The following AMOTL1 variants were observed in gnomAD, a reference collection of about 807,000 sequenced individuals.
AMOTL1 encodes angiomotin like 1.
A neutral mutation model predicts 102.9 loss-of-function variants in AMOTL1; 45 were observed. The ratio of observed to expected loss-of-function variants is 0.44; its 90% confidence interval spans 0.34 to 0.56. AMOTL1 has a LOEUF of 0.56. Ranked by LOEUF, AMOTL1 falls within the 20% of genes least tolerant of loss-of-function variation. AMOTL1 has a pLI of 0.01. For missense variants in AMOTL1, 1,114 were observed against 1,225.6 expected, an observed-to-expected ratio of 0.91 and a Z score of 1.36; for synonymous variants, 481 against 484.7, an observed-to-expected ratio of 0.99 and a Z score of 0.10.
At chr11:94,723,949 A>T (rs1383858758) in intron 1 of AMOTL1, among the ~76,000 whole-genome samples, 1 of 152,144 alleles carries the variant, frequency 6.6e-6, no homozygotes, top group Non-Finnish European at 1.5e-5. Flanking sequence ...AACTCGTCAG[A>T]ACCAAACCCT....
At chr11:94,775,583 C>T (rs369598260) in intron 1 of AMOTL1, among the ~76,000 whole-genome samples, 1 of 152,122 alleles carries the variant, frequency 6.6e-6, no homozygotes, top group African/African-American at 2.4e-5. Context: ...CCACTAGTCA[C>T]TTGTGGCTAT....
chr11:94,864,895 C>T, intron 10 of AMOTL1, 35 bp downstream of exon 10: 1 of 1,600,966 alleles, frequency 6.2e-7, no homozygotes, highest in Non-Finnish European at 8.5e-7. Flanking sequence ...GTGGGGCCCG[C>T]TGCATTCACA....
intron 1 of AMOTL1, among the ~76,000 whole-genome samples, chr11:94,710,521 A>G (rs1565322130): frequency 6.6e-6 from 1 of 152,218 alleles, no homozygotes; most frequent in Non-Finnish European, 1.5e-5. Flanking sequence ...TGCTTAGCAC[A>G]GTGCCTAATA....
chr11:94,735,951 A>C (rs569670439), intron 2 of AMOTL1, among the ~76,000 whole-genome samples: 29 of 152,366 alleles, frequency 1.9e-4, no homozygotes, highest in African/African-American at 6.5e-4. Context: ...CAGCTCCCAA[A>C]AGCCCATCAA....
chr11:94,772,700 A>C (rs1294478834), intron 1 of AMOTL1, among the ~76,000 whole-genome samples: 2 of 152,198 alleles, frequency 1.3e-5, no homozygotes, highest in Non-Finnish European at 2.9e-5. Flanking sequence ...TGTGAACATA[A>C]GTTTTCATTT....
chr11:94,770,049 T>G lies in AMOTL1; in HGVS notation c.49+1489T>G, dbSNP rs117805773. The stretch of plus-strand genomic sequence containing the variant: ...AGCAAAAAGTCAAGGCTTGAAATAT[T>G]AAACAATCATGGCTCCCTGCTTCCA... On this transcript the variant is annotated intron_variant, in intron 1 of 12. Transcript: ENST00000433060. Among the ~76,000 whole-genome samples the G allele has an allele frequency of 7.8e-3, 1,183 of 152,268 alleles. 7 individuals are homozygous for G. Among genetic ancestry groups the G allele is most frequent in the Middle Eastern group, 0.017 (5 of 294 alleles).
intron 2 of AMOTL1, among the ~76,000 whole-genome samples, chr11:94,732,542 C>A (rs1950370693): frequency 6.6e-6 from 1 of 152,118 alleles, no homozygotes; most frequent in Non-Finnish European, 1.5e-5. Context: ...CACATGCAGT[C>A]CCTGACATAT....
chr11:94,871,652 C>A lies in AMOTL1; in HGVS notation c.*857C>A, dbSNP rs952944388. On this transcript the variant is annotated 3_prime_UTR_variant, in exon 13 of 13. Coordinates refer to ENST00000433060, the MANE Select transcript of AMOTL1 (RefSeq NM_130847.3). ...CCACGTGCCGACTTCCTGGCTGCTT[C>A]ACCTTTGCATAGCTGGGTTGCAGCT... 1.3e-5 allele frequency: 2 copies of A among 152,204 alleles called. No individual in the cohort carries two copies. Among genetic ancestry groups the A allele is most frequent in the African/African-American group, 4.8e-5 (2 of 41,452 alleles). 9.4% of individuals were successfully genotyped at this position (152,204 alleles called of 1,614,324 possible).
intron 3 of AMOTL1, among the ~76,000 whole-genome samples, chr11:94,747,288 C>T (rs911320654): frequency 6.6e-6 from 1 of 152,010 alleles, no homozygotes; most frequent in Non-Finnish European, 1.5e-5. Flanking sequence ...GTTGCTTGAC[C>T]CTCTGGCATG....
intron 3 of AMOTL1, among the ~76,000 whole-genome samples, chr11:94,811,176 G>C (rs1019283101): frequency 4.6e-5 from 7 of 152,062 alleles, no homozygotes; most frequent in Non-Finnish European, 8.8e-5. Context: ...CCCTTGTTAT[G>C]TAAATAAAGC....
chr11:94,823,618 T>G (rs1951909399), intron 4 of AMOTL1, among the ~76,000 whole-genome samples: 1 of 152,094 alleles, frequency 6.6e-6, no homozygotes, highest in Non-Finnish European at 1.5e-5. Flanking sequence ...AAGGCAGAGT[T>G]TGGTGCTGGG....
At chr11:94,789,522 G>A (rs963510824) in intron 1 of AMOTL1, among the ~76,000 whole-genome samples, 2 of 152,226 alleles carry the variant, frequency 1.3e-5, no homozygotes, top group Admixed American at 1.3e-4. Context: ...CTGCCTGTCA[G>A]TGCTGCCCTT....
intron 3 of AMOTL1, among the ~76,000 whole-genome samples, chr11:94,807,149 G>A (rs558423337): frequency 2.0e-5 from 3 of 151,938 alleles, no homozygotes; most frequent in South Asian, 2.1e-4. Flanking sequence ...CTCCCATTCC[G>A]CCCCCCAAAA....
intron 1 of AMOTL1, among the ~76,000 whole-genome samples, chr11:94,726,487 A>G (rs1950260863): frequency 6.6e-6 from 1 of 152,192 alleles, no homozygotes; most frequent in Non-Finnish European, 1.5e-5. Flanking sequence ...CAAAGCCAGA[A>G]TTACATCTGT....
At position 94,864,794 on chromosome 11, in the gene AMOTL1, C is replaced by T; in HGVS notation, c.2195C>T (p.Ala732Val). 1.9e-6 allele frequency: 3 copies of T among 1,613,780 alleles called. No homozygotes were observed. The highest frequency in any genetic ancestry group is 2.5e-6 in the Non-Finnish European group (3 of 1,179,754). Reference protein sequence around the residue: ...NGSYGESSLEAHIWQEEEEVV... With the variant: ...NGSYGESSLEVHIWQEEEEVV... Reference sequence around the variant, plus strand: ...AGCTACGGAGAGAGCTCGCTGGAGGCCCACATCTGGCAAGAGGAGGAGGAG... The same window carrying T: ...AGCTACGGAGAGAGCTCGCTGGAGGTCCACATCTGGCAAGAGGAGGAGGAG... The change falls in exon 10 of 13, where the codon GCC (alanine) becomes GTC (valine). Residue 732 changes from alanine (A) to valine (V), a missense_variant. By Grantham distance (64) the Ala-to-Val change is moderately conservative (BLOSUM62 0). Transcript: ENST00000433060.
rs189026622 is a variant in AMOTL1 at position 94,727,212 on chromosome 11, C to T, written c.-50-1709C>T. Among the ~76,000 whole-genome samples, 9 of 152,210 alleles carry T rather than the reference C, an allele frequency of 5.9e-5. No homozygotes were observed. In the East Asian group the frequency reaches 1.7e-3, roughly 29 times the overall value. On this transcript the variant is annotated intron_variant, in intron 1 of 4. Transcript: ENST00000299004. The stretch of plus-strand genomic sequence containing the variant: ...TCTACTTCACTTCCCAAAGATACTG[C>T]AAAGATTAATGAAGTGATTTTGAAT...
intron 9 of AMOTL1, among the ~76,000 whole-genome samples, chr11:94,860,087 G>A (rs1262471360): frequency 2.0e-5 from 3 of 152,196 alleles, no homozygotes; most frequent in Non-Finnish European, 2.9e-5. Flanking sequence ...ACATAACACA[G>A]TGGAATACTG....
intron 2 of AMOTL1, among the ~76,000 whole-genome samples, chr11:94,737,005 A>G (rs567662030): frequency 6.6e-6 from 1 of 152,344 alleles, no homozygotes; most frequent in African/African-American, 2.4e-5. Flanking sequence ...GGAATCATTG[A>G]CTTTAGAGAA....
At chr11:94,715,594 C>G (rs1160538669) in intron 1 of AMOTL1, among the ~76,000 whole-genome samples, 1 of 152,076 alleles carries the variant, frequency 6.6e-6, no homozygotes, top group African/African-American at 2.4e-5. Context: ...TTTATTTCCC[C>G]CTTCATTCTT....
Sources: allele counts gnomAD v4.1 joint callset (sites outside exome capture counted in the v4.1 genomes callset), GRCh38; gene constraint gnomAD v4.1.1; transcripts MANE v1.5; gene names NCBI Gene and HGNC (gene_info 2026-07-23, HGNC 2026-07-21).